MLLT3: variants seen among roughly 807,000 people sequenced by gnomAD.
MLLT3 encodes protein AF-9.
In MLLT3, 4 loss-of-function variants were observed where a neutral mutation model predicts 53.2. The observed-to-expected ratio is 0.08, with a 90% CI of 0.04 to 0.17. The LOEUF is 0.17. Ranked by LOEUF, MLLT3 falls within the 10% of genes least tolerant of loss-of-function variation. MLLT3 has a pLI of 1.00. For synonymous variants in MLLT3, 283 were observed against 230.6 expected (o/e 1.23, Z -2.06); for missense variants, 569 against 684.0 (o/e 0.83, Z 1.87).
chr9:20,474,940 G>A (rs924485539), intron 2 of MLLT3, among the ~76,000 whole-genome samples: 1 of 152,062 alleles, frequency 6.6e-6, no homozygotes, highest in Non-Finnish European at 1.5e-5. Context: ...CCACATCCAG[G>A]AGTAAACTAG....
At chr9:20,616,323 A>G (rs1260782375) in intron 2 of MLLT3, among the ~76,000 whole-genome samples, 1 of 152,160 alleles carries the variant, frequency 6.6e-6, no homozygotes, top group African/African-American at 2.4e-5. Flanking sequence ...TTAAGCAACA[A>G]TATCTACCCA....
intron 8 of MLLT3, among the ~76,000 whole-genome samples, chr9:20,357,979 GCGCACACA>G (rs959727072): frequency 9.4e-5 from 13 of 137,876 alleles, no homozygotes; most frequent in African/African-American, 2.5e-4. Context: ...CCTCCCTCCT[GCGCACACA>G]CACACACACA....
chr9:20,407,658 C>T (rs1822619828), intron 5 of MLLT3, among the ~76,000 whole-genome samples: 1 of 152,178 alleles, frequency 6.6e-6, no homozygotes, highest in Non-Finnish European at 1.5e-5. Flanking sequence ...GGTAGGTACA[C>T]TACCTATCAA....
intron 3 of MLLT3, among the ~76,000 whole-genome samples, chr9:20,452,166 C>A (rs997820626): frequency 9.2e-5 from 14 of 152,212 alleles, no homozygotes; most frequent in Non-Finnish European, 1.9e-4. Context: ...TGTGAAAACT[C>A]TGAACAACAC....
chr9:20,438,601 C>T (rs145313533), intron 4 of MLLT3, among the ~76,000 whole-genome samples: 5 of 152,134 alleles, frequency 3.3e-5, no homozygotes, highest in Non-Finnish European at 7.4e-5. Context: ...TTTTATTTTA[C>T]TTTATTTTAT....
chr9:20,620,788 C>G lies in MLLT3; in HGVS notation c.59G>C (p.Arg20Thr). ...KLELGHRAQVRKKPTVEGFTH... is the reference protein window; with the variant it reads ...KLELGHRAQVTKKPTVEGFTH... ...GAAGCCCTCCACGGTGGGTTTTTTCCTCACCTGGGCGCGGTGCCCCAGCTC... is the reference window on the plus strand; with the variant it reads ...GAAGCCCTCCACGGTGGGTTTTTTCGTCACCTGGGCGCGGTGCCCCAGCTC... The change falls in exon 2 of 11, where the codon AGG (arginine) becomes ACG (threonine). Residue 20 changes from arginine (R) to threonine (T), a missense_variant. Physicochemically the swap from Arg to Thr is moderately conservative, Grantham distance 71. Around this residue, in one of 5 missense-constraint regions of MLLT3, gnomAD observed 35 missense variants for 136.8 expected, o/e 0.26. Transcript: ENST00000380338. This position sits in a 1 kb window ranked among gnomAD's most constrained non-coding sequence, Gnocchi z 6.1. The G allele has an allele frequency of 6.2e-7, 1 of 1,614,112 alleles. No individual in the cohort carries two copies. The highest frequency in any genetic ancestry group is 8.5e-7 in the Non-Finnish European group (1 of 1,180,030).
chr9:20,412,217 C>A (rs973864308), intron 5 of MLLT3, among the ~76,000 whole-genome samples: 1 of 151,932 alleles, frequency 6.6e-6, no homozygotes, highest in African/African-American at 2.4e-5. Flanking sequence ...GTCAAACACA[C>A]ACAAAAAAGG....
At chr9:20,613,154 G>C (rs1820741927) in intron 2 of MLLT3, among the ~76,000 whole-genome samples, 1 of 152,078 alleles carries the variant, frequency 6.6e-6, no homozygotes, top group Non-Finnish European at 1.5e-5. Flanking sequence ...GAATTGAGTG[G>C]GGGAAAAAAG....
chr9:20,530,559 T>C (rs1818305512), intron 2 of MLLT3, among the ~76,000 whole-genome samples: 1 of 152,230 alleles, frequency 6.6e-6, no homozygotes, highest in Non-Finnish European at 1.5e-5. Context: ...CAAAATGTTT[T>C]CAGAAATCCG....
At chr9:20,615,211 C>G (rs7036546) in intron 2 of MLLT3, among the ~76,000 whole-genome samples, 68,900 of 151,240 alleles carry the variant, frequency 0.46, 16,818 homozygotes, top group Middle Eastern at 0.56. Flanking sequence ...AACTGCCAGG[C>G]ATGGTGGTCC....
At chr9:20,362,210 A>G (rs1026323358) in intron 7 of MLLT3, among the ~76,000 whole-genome samples, 1 of 152,236 alleles carries the variant, frequency 6.6e-6, no homozygotes, top group Non-Finnish European at 1.5e-5. Context: ...TCTGTATCAG[A>G]TGACTCACAA....
chr9:20,542,533 A>G (rs539388264), intron 2 of MLLT3, among the ~76,000 whole-genome samples: 12 of 152,300 alleles, frequency 7.9e-5, no homozygotes, highest in African/African-American at 2.9e-4. Flanking sequence ...TACAGGCGTG[A>G]GCCAGAGCAG....
intron 2 of MLLT3, among the ~76,000 whole-genome samples, chr9:20,539,698 G>T (rs932526285): frequency 9.9e-5 from 15 of 152,094 alleles, no homozygotes; most frequent in Admixed American, 9.8e-4. Context: ...TTTGGGTGGG[G>T]ACACATAGCC....
At chr9:20,408,238 T>C (rs532052261) in intron 5 of MLLT3, among the ~76,000 whole-genome samples, 11 of 152,058 alleles carry the variant, frequency 7.2e-5, no homozygotes, top group African/African-American at 2.4e-4. Flanking sequence ...CCCTAGTATG[T>C]ACTGAAACAC....
intron 5 of MLLT3, among the ~76,000 whole-genome samples, chr9:20,406,129 A>T (rs1246087132): frequency 6.6e-6 from 1 of 151,978 alleles, no homozygotes; most frequent in Admixed American, 6.6e-5. Context: ...AAAGAAAAAA[A>T]GAAAAAAAAG....
chr9:20,575,446 A>C (rs1819629504), intron 2 of MLLT3, among the ~76,000 whole-genome samples: 1 of 152,152 alleles, frequency 6.6e-6, no homozygotes. Context: ...AAATTTTTTA[A>C]GGTTTGTGCA....
intron 2 of MLLT3, among the ~76,000 whole-genome samples, chr9:20,516,668 C>A (rs1426045789): frequency 6.6e-6 from 1 of 151,960 alleles, no homozygotes; most frequent in Non-Finnish European, 1.5e-5. Context: ...TACTCTTGAA[C>A]CAAAAAAGAA....
At position 20,608,635 on chromosome 9, in the gene MLLT3, A is replaced by T. The variant is rs181610045; in HGVS notation, c.193+12019T>A. 4.8e-4 allele frequency among the ~76,000 whole-genome samples: 73 copies of T among 152,106 alleles called. 1 individual carries two copies. Among genetic ancestry groups the T allele is most frequent in the African/African-American group, 1.6e-3 (66 of 41,550 alleles). On this transcript the variant is annotated intron_variant, in intron 2 of 10. Coordinates refer to ENST00000380338, the MANE Select transcript of MLLT3 (RefSeq NM_004529.4). ...ACTCATAGTAACATTAAAGGAAAAG[A>T]CTCAAAACGACAAGGTGGCAAAAAT...
chr9:20,462,039 C>G (rs1480682058), intron 2 of MLLT3, among the ~76,000 whole-genome samples: 1 of 152,146 alleles, frequency 6.6e-6, no homozygotes, highest in East Asian at 1.9e-4. Flanking sequence ...CCTGTTCAGC[C>G]CATCTCTCCG....
Sources: allele counts gnomAD v4.1 joint callset (sites outside exome capture counted in the v4.1 genomes callset), GRCh38; gene constraint gnomAD v4.1.1; regional missense constraint gnomAD v4.1.1; non-coding constraint Gnocchi (gnomAD v3.1); transcripts MANE v1.5; gene names NCBI Gene and HGNC (gene_info 2026-07-23, HGNC 2026-07-21).